Variants in NLGN1 observed in about 807,000 individuals in gnomAD.
The protein encoded by NLGN1 is neuroligin-1.
NLGN1 carries 12 observed loss-of-function variants against 65.5 expected under a neutral mutation model. That is an observed-to-expected ratio of 0.18 (90% CI 0.12 to 0.30). The LOEUF (loss-of-function observed/expected upper bound fraction) is 0.30, where lower values mean the gene tolerates loss of function less well. Among genes scored for constraint, NLGN1 ranks in the 10% least tolerant of loss-of-function variants. The pLI is 1.00. For synonymous variants in NLGN1, 350 were observed against 359.5 expected (o/e 0.97, Z 0.30); for missense variants, 750 against 1,007.1 (o/e 0.74, Z 3.46).
chr3:173,885,298 A>AT (rs1189859725), intron 4 of NLGN1, among the ~76,000 whole-genome samples: 1 of 151,848 alleles, frequency 6.6e-6, no homozygotes, highest in Non-Finnish European at 1.5e-5. Context: ...GTGTGCTGTT[A>AT]TTTTTTTCAA....
chr3:174,279,028 G>T lies in NLGN1; in HGVS notation c.1027G>T (p.Val343Phe), dbSNP rs375498982. The T allele has an allele frequency of 1.2e-6, 2 of 1,606,370 alleles. No individual in the cohort carries two copies. Among genetic ancestry groups the T allele is most frequent in the Non-Finnish European group, 1.7e-6 (2 of 1,176,564 alleles). The change falls in exon 6 of 7, where the codon GTT becomes TTT. Residue 343 changes from valine to phenylalanine, a missense_variant. Physicochemically the swap from Val to Phe is conservative, Grantham distance 50 (BLOSUM62 -1). Transcript: ENST00000457714. This position sits in a 1 kb window ranked among gnomAD's most constrained non-coding sequence, Gnocchi z 4.7. ...ACAGAAGAAGCCTTACAAAGAACTT[G>T]TTGACCAAGATATTCAACCAGCTCG...
chr3:173,605,289 C>G (rs1267065848), intron 3 of NLGN1, among the ~76,000 whole-genome samples, 198 bp downstream of exon 2: 1 of 151,960 alleles, frequency 6.6e-6, no homozygotes, highest in Non-Finnish European at 1.5e-5. Flanking sequence ...CCTGTGCTTA[C>G]TCATTTTCTT....
intron 4 of NLGN1, among the ~76,000 whole-genome samples, chr3:174,244,957 A>T (rs971400296): frequency 3.9e-5 from 6 of 152,206 alleles, no homozygotes; most frequent in Non-Finnish European, 5.9e-5. Flanking sequence ...CTTGGGTGGA[A>T]TTGAAGCCCT....
At chr3:173,545,143 C>T (rs1000924661) in intron 2 of NLGN1, among the ~76,000 whole-genome samples, 1 of 151,930 alleles carries the variant, frequency 6.6e-6, no homozygotes, top group Admixed American at 6.6e-5. Context: ...GTCGCAATTT[C>T]GGCTCACTGC....
chr3:173,641,683 C>T lies in NLGN1; in HGVS notation c.493+36592C>T, dbSNP rs183705106. Among the ~76,000 whole-genome samples the T allele has an allele frequency of 1.6e-3, 240 of 152,276 alleles. 2 individuals are homozygous for T. The Middle Eastern group carries it at 0.031, about 19-fold the overall frequency. On this transcript the variant is annotated intron_variant, in intron 3 of 6. Coordinates refer to ENST00000457714, the Ensembl canonical transcript of NLGN1. Reference sequence around the variant, plus strand: ...GGCATTTCCTAAGAAACTCTCATTTCTTTAAATGGAGTATAATATTTTGAA... The same window carrying T: ...GGCATTTCCTAAGAAACTCTCATTTTTTTAAATGGAGTATAATATTTTGAA...
At chr3:173,457,674 A>G (rs577981563) in intron 2 of NLGN1, among the ~76,000 whole-genome samples, 19 of 152,258 alleles carry the variant, frequency 1.2e-4, no homozygotes, top group African/African-American at 4.6e-4. Flanking sequence ...ATGTCACGGT[A>G]GTCTTGCTGA....
At chr3:173,502,567 G>A (rs1195493296) in intron 2 of NLGN1, among the ~76,000 whole-genome samples, 1 of 152,102 alleles carries the variant, frequency 6.6e-6, no homozygotes, top group Non-Finnish European at 1.5e-5. Flanking sequence ...TCACTTATGT[G>A]TGTGCACGTA....
chr3:173,426,268 A>G (rs1459514876), intron 1 of NLGN1, among the ~76,000 whole-genome samples: 3 of 152,092 alleles, frequency 2.0e-5, no homozygotes, highest in Admixed American at 1.3e-4. Context: ...AGATTATGTC[A>G]TCTGCAAACA....
At chr3:173,583,893 T>G (rs1274873648) in intron 2 of NLGN1, among the ~76,000 whole-genome samples, 1 of 152,134 alleles carries the variant, frequency 6.6e-6, no homozygotes, top group Non-Finnish European at 1.5e-5. Flanking sequence ...CACACAATCA[T>G]ATTCCTTTAA....
At chr3:173,547,299 A>G (rs1740030230) in intron 2 of NLGN1, among the ~76,000 whole-genome samples, 1 of 152,198 alleles carries the variant, frequency 6.6e-6, no homozygotes, top group Non-Finnish European at 1.5e-5. Flanking sequence ...CAACAGGATT[A>G]TAGCGCATAC....
intron 2 of NLGN1, among the ~76,000 whole-genome samples, chr3:173,603,504 T>C (rs1398710160): frequency 6.6e-6 from 1 of 152,124 alleles, no homozygotes; most frequent in Non-Finnish European, 1.5e-5. Context: ...CTTTGAGTCA[T>C]AAATTAATTT....
chr3:173,587,963 A>G (rs1747784976), intron 2 of NLGN1, among the ~76,000 whole-genome samples: 1 of 152,194 alleles, frequency 6.6e-6, no homozygotes, highest in African/African-American at 2.4e-5. Flanking sequence ...GAAGTTAGCA[A>G]CACACTCTTA....
At chr3:173,889,831 C>CTT (rs1398540199) in intron 4 of NLGN1, among the ~76,000 whole-genome samples, 1 of 152,108 alleles carries the variant, frequency 6.6e-6, no homozygotes, top group African/African-American at 2.4e-5. Flanking sequence ...TACATTTATA[C>CTT]TTTAAGAAAC....
chr3:173,572,858 C>T (rs1744869668), intron 2 of NLGN1, among the ~76,000 whole-genome samples: 1 of 152,150 alleles, frequency 6.6e-6, no homozygotes. Context: ...TTCAGCTTCA[C>T]CCAGGGAGGA....
intron 2 of NLGN1, among the ~76,000 whole-genome samples, chr3:173,460,773 G>A (rs565729146): frequency 6.6e-6 from 1 of 152,022 alleles, no homozygotes; most frequent in African/African-American, 2.4e-5. Flanking sequence ...TTTTTTTGAT[G>A]TCTACATGGA....
chr3:173,619,169 G>A (rs1753605414), intron 3 of NLGN1, among the ~76,000 whole-genome samples: 2 of 152,090 alleles, frequency 1.3e-5, no homozygotes, highest in South Asian at 4.1e-4. Flanking sequence ...AATTATGAGA[G>A]ATGATAGAAT....
chr3:173,795,833 A>AT (rs1007207347), intron 3 of NLGN1, among the ~76,000 whole-genome samples: 15 of 152,224 alleles, frequency 9.9e-5, no homozygotes, highest in Admixed American at 7.2e-4. Context: ...CAGAACAACA[A>AT]TGGCAATATC....
rs144196439 is a variant in NLGN1 at position 173,777,740 on chromosome 3, T to C, written c.494-29940T>C. ...CACTTAGGTTGATTTCATATCTTGC[T>C]TGTTGTGAATAGTGCTAGAATAAAC... On this transcript the variant is annotated intron_variant, in intron 3 of 6. Transcript: ENST00000457714. Among the ~76,000 whole-genome samples, 247 of 151,906 alleles carry C rather than the reference T, an allele frequency of 1.6e-3. 1 individual carries two copies. Among genetic ancestry groups the C allele is most frequent in the Admixed American group, 3.0e-3 (46 of 15,252 alleles).
intron 4 of NLGN1, among the ~76,000 whole-genome samples, chr3:174,222,132 A>G (rs1738787484): frequency 6.6e-6 from 1 of 152,144 alleles, no homozygotes; most frequent in African/African-American, 2.4e-5. Context: ...TGAGATAAGT[A>G]GCTGTGAGCA....
Sources: gnomAD v4.1 joint callset for allele counts (sites outside exome capture counted in the v4.1 genomes callset) on GRCh38, gnomAD v4.1.1 for gene constraint, Gnocchi (gnomAD v3.1) non-coding constraint, MANE v1.5 for transcripts, NCBI Gene and HGNC (gene_info 2026-07-23, HGNC 2026-07-21) for gene names.